Variants in TCERG1L observed in about 807,000 individuals in gnomAD.
TCERG1L encodes transcription elongation regulator 1 like.
In TCERG1L, 37 loss-of-function variants were observed where a neutral mutation model predicts 56.3. The observed-to-expected ratio is 0.66, with a 90% CI of 0.51 to 0.87. The LOEUF is 0.87. Ranked by LOEUF, TCERG1L falls within the 40% of genes least tolerant of loss-of-function variation. The pLI is 0.00. For missense variants in TCERG1L, 799 were observed against 774.2 expected, an observed-to-expected ratio of 1.03 and a Z score of -0.38; for synonymous variants, 324 against 326.3, an observed-to-expected ratio of 0.99 and a Z score of 0.08.
intron 4 of TCERG1L, among the ~76,000 whole-genome samples, chr10:131,202,000 G>A (rs1455025374): frequency 6.6e-6 from 1 of 152,176 alleles, no homozygotes; most frequent in African/African-American, 2.4e-5. Context: ...ATCCTGTAAT[G>A]CGTTTCCGAT....
intron 8 of TCERG1L, among the ~76,000 whole-genome samples, 160 bp from the exon 9 acceptor site, chr10:131,117,094 C>T (rs887423011): frequency 1.3e-5 from 2 of 152,190 alleles, no homozygotes; most frequent in Non-Finnish European, 2.9e-5. Flanking sequence ...AAAGATGGCA[C>T]ATTTGCTCTT....
chr10:131,172,670 C>G (rs1280865483), intron 4 of TCERG1L, among the ~76,000 whole-genome samples: 4 of 152,208 alleles, frequency 2.6e-5, no homozygotes, highest in Admixed American at 2.0e-4. Flanking sequence ...GTTGGACATG[C>G]ACGCCTGTCC....
At chr10:131,130,369 G>A (rs1229122612) in intron 8 of TCERG1L, among the ~76,000 whole-genome samples, 2 of 152,178 alleles carry the variant, frequency 1.3e-5, no homozygotes, top group African/African-American at 4.8e-5. Flanking sequence ...CTTGGGTGGG[G>A]ACACAGCCAA....
intron 6 of TCERG1L, chr10:131,161,605 G>C (rs2133429611): frequency 6.6e-6 from 1 of 152,264 alleles, no homozygotes; most frequent in Non-Finnish European, 1.5e-5. Context: ...GAGGGTGCTG[G>C]TCTCCAGAGA....
At chr10:131,235,944 A>G (rs1260998816) in intron 4 of TCERG1L, among the ~76,000 whole-genome samples, 1 of 152,252 alleles carries the variant, frequency 6.6e-6, no homozygotes, top group Non-Finnish European at 1.5e-5. Flanking sequence ...AAATGTCCTT[A>G]CAAAATTAAA....
rs142579272 is a variant in TCERG1L, at chr10:131,266,657, G to A, written c.671-6213C>T. 3.0e-3 allele frequency among the ~76,000 whole-genome samples: 454 copies of A among 152,166 alleles called. 2 individuals carry two copies. The highest frequency in any genetic ancestry group is 8.8e-3 in the African/African-American group (366 of 41,520). On this transcript the variant is annotated intron_variant, in intron 3 of 11. Coordinates refer to ENST00000368642, the MANE Select transcript of TCERG1L (RefSeq NM_174937.4). The stretch of plus-strand genomic sequence containing the variant: ...GCAGAGAGGAGGCCCTGGAATGGGT[G>A]GCTCCTCTCTGCAGGCAGGTCATCC...
At chr10:131,107,643 G>T (rs1845366189) in intron 9 of TCERG1L, among the ~76,000 whole-genome samples, 2 of 152,128 alleles carry the variant, frequency 1.3e-5, no homozygotes, top group Non-Finnish European at 2.9e-5. Context: ...AACTGCTCCT[G>T]AGGGAAGCCT....
At chr10:131,230,945 C>CCAAGCGA (rs1554895018) in intron 4 of TCERG1L, among the ~76,000 whole-genome samples, 3 of 151,854 alleles carry the variant, frequency 2.0e-5, no homozygotes, top group African/African-American at 4.9e-5. Flanking sequence ...TGATAGACTT[C>CCAAGCGA]GTAATTGTTT....
chr10:131,311,684 A>C lies in TCERG1L; in HGVS notation c.-49T>G. On this transcript the variant is annotated 5_prime_UTR_variant, in exon 1 of 12. Transcript: ENST00000368642. This position sits in a 1 kb window ranked among gnomAD's most constrained non-coding sequence, Gnocchi z 4.0. Reference sequence around the variant, plus strand: ...GCGGCGGGGGCGGCGGGCGCCCGAGATGCTGGGCCGGCGGCGGCGCGGCTC... The same window carrying C: ...GCGGCGGGGGCGGCGGGCGCCCGAGCTGCTGGGCCGGCGGCGGCGCGGCTC... 1.0e-6 allele frequency: 1 copy of C among 959,548 alleles called. No individual in the cohort carries two copies. Among genetic ancestry groups the C allele is most frequent in the Non-Finnish European group, 1.3e-6 (1 of 780,724 alleles). 59.4% of individuals were successfully genotyped at this position (959,548 alleles called of 1,614,324 possible).
intron 6 of TCERG1L, among the ~76,000 whole-genome samples, chr10:131,154,527 C>T (rs1356866943): frequency 1.3e-5 from 2 of 152,210 alleles, no homozygotes; most frequent in African/African-American, 4.8e-5. Flanking sequence ...AAGGGCCGCA[C>T]CCAATGCCCT....
chr10:131,217,132 G>A (rs558181562), intron 4 of TCERG1L, among the ~76,000 whole-genome samples: 1 of 152,338 alleles, frequency 6.6e-6, no homozygotes, highest in South Asian at 2.1e-4. Flanking sequence ...GATCTCCAGT[G>A]TTGGAGGTGG....
intron 8 of TCERG1L, among the ~76,000 whole-genome samples, chr10:131,132,526 C>T (rs1287154847): frequency 3.3e-5 from 5 of 152,356 alleles, no homozygotes; most frequent in East Asian, 1.9e-4. Flanking sequence ...CTTCGGATCC[C>T]GCCTCCCACA....
At position 131,111,160 on chromosome 10, in the gene TCERG1L, G is replaced by A. The variant is rs1334409410; in HGVS notation, c.1395+5639C>T. Among the ~76,000 whole-genome samples the A allele has an allele frequency of 4.9e-5, 7 of 143,222 alleles. 1 individual carries two copies. Among genetic ancestry groups the A allele is most frequent in the African/African-American group, 1.7e-4 (7 of 40,586 alleles). 94.0% of individuals were successfully genotyped at this position (143,222 alleles called of 152,430 possible). On this transcript the variant is annotated intron_variant, in intron 9 of 11. Coordinates refer to ENST00000368642, the MANE Select transcript of TCERG1L (RefSeq NM_174937.4). ...GCAGTCCACGGCCTCTCCAAGGAAAGCTGGAGCCATGCCCGCTCCGACCCT... is the reference window on the plus strand; with the variant it reads ...GCAGTCCACGGCCTCTCCAAGGAAAACTGGAGCCATGCCCGCTCCGACCCT...
chr10:131,202,351 G>A (rs1372213980), intron 4 of TCERG1L, among the ~76,000 whole-genome samples: 1 of 152,230 alleles, frequency 6.6e-6, no homozygotes, highest in Non-Finnish European at 1.5e-5. Context: ...GGAGGCCGAG[G>A]AGGGCGGATC....
intron 9 of TCERG1L, among the ~76,000 whole-genome samples, chr10:131,115,017 G>A (rs1845442489): frequency 1.3e-5 from 2 of 152,234 alleles, no homozygotes; most frequent in Non-Finnish European, 2.9e-5. Flanking sequence ...ACGTGCACCT[G>A]TGGGTCACAA....
intron 3 of TCERG1L, among the ~76,000 whole-genome samples, chr10:131,270,938 T>C (rs1414183331): frequency 1.3e-5 from 2 of 152,144 alleles, no homozygotes; most frequent in Non-Finnish European, 2.9e-5. Context: ...GCCTCATCCA[T>C]CTGACGCATC....
At chr10:131,192,516 G>A (rs980335461) in intron 4 of TCERG1L, among the ~76,000 whole-genome samples, 1 of 144,134 alleles carries the variant, frequency 6.9e-6, no homozygotes, top group Admixed American at 6.9e-5. Flanking sequence ...TCCCACTACT[G>A]GGGGTCTACC....
At chr10:131,097,671 A>C (rs1225416992) in intron 11 of TCERG1L, among the ~76,000 whole-genome samples, 1 of 152,218 alleles carries the variant, frequency 6.6e-6, no homozygotes, top group Non-Finnish European at 1.5e-5. Context: ...TTTAAAGATC[A>C]GTCAATTAAA....
chr10:131,269,767 C>G (rs545813585), intron 3 of TCERG1L, among the ~76,000 whole-genome samples: 1 of 152,304 alleles, frequency 6.6e-6, no homozygotes, highest in East Asian at 1.9e-4. Context: ...ATGAAGTGAG[C>G]ACACGCTGCT....
Sources: allele counts gnomAD v4.1 joint callset (sites outside exome capture counted in the v4.1 genomes callset), GRCh38; gene constraint gnomAD v4.1.1; non-coding constraint Gnocchi (gnomAD v3.1); transcripts MANE v1.5; gene names NCBI Gene and HGNC (gene_info 2026-07-23, HGNC 2026-07-21).